The following CPA6 variants were observed in gnomAD, a reference collection of about 807,000 sequenced individuals.
CPA6 encodes carboxypeptidase B.
Under a neutral mutation model 63.3 loss-of-function variants are expected in CPA6, and 58 were observed. The observed-to-expected ratio is 0.92, with a 90% CI of 0.74 to 1.14. The LOEUF (loss-of-function observed/expected upper bound fraction) is 1.14, where lower values mean the gene tolerates loss of function less well. Ranked by LOEUF, CPA6 falls within the 50% of genes most tolerant of loss-of-function variation. The probability of loss-of-function intolerance (pLI) is 0.00; values close to 1 mark genes in which losing one functional copy is unlikely to be tolerated. For missense variants in CPA6, 565 were observed against 526.6 expected, an observed-to-expected ratio of 1.07 and a Z score of -0.71; for synonymous variants, 185 against 179.0, an observed-to-expected ratio of 1.03 and a Z score of -0.27.
intron 8 of CPA6, among the ~76,000 whole-genome samples, chr8:67,458,443 C>T (rs977524987): frequency 2.6e-5 from 4 of 152,182 alleles, no homozygotes; most frequent in Non-Finnish European, 5.9e-5. Context: ...GGTGATCCAC[C>T]GGCCTTGGCC....
intron 2 of CPA6, among the ~76,000 whole-genome samples, chr8:67,530,911 C>T (rs1246187358): frequency 6.6e-6 from 1 of 152,150 alleles, no homozygotes; most frequent in African/African-American, 2.4e-5. Context: ...AGCCAGGGTG[C>T]TCATAGTTCT....
chr8:67,689,920 C>T (rs1298958663), intron 1 of CPA6, among the ~76,000 whole-genome samples: 2 of 152,196 alleles, frequency 1.3e-5, no homozygotes, highest in Admixed American at 1.3e-4. Flanking sequence ...CTTTTCTCTA[C>T]AGCCTTGCCA....
intron 1 of CPA6, among the ~76,000 whole-genome samples, chr8:67,738,992 A>G (rs563398898): frequency 1.3e-5 from 2 of 152,368 alleles, no homozygotes; most frequent in Non-Finnish European, 2.9e-5. Context: ...GAAGTTATAA[A>G]ACATTAACAT....
chr8:67,732,901 A>G (rs1260530921), intron 1 of CPA6, among the ~76,000 whole-genome samples: 1 of 151,978 alleles, frequency 6.6e-6, no homozygotes. Context: ...AGTGGTTCTC[A>G]AAGTTTAGCT....
chr8:67,728,341 A>G lies in CPA6; in HGVS notation c.116+17673T>C, dbSNP rs536968520. On this transcript the variant is annotated intron_variant, in intron 1 of 10. Coordinates refer to ENST00000297770, the MANE Select transcript of CPA6 (RefSeq NM_020361.5). Reference sequence around the variant, plus strand: ...GATTCCCCTGTGTTTATGCACATTAATACACTTGTATACCTTTTTTTTCAG... The same window carrying G: ...GATTCCCCTGTGTTTATGCACATTAGTACACTTGTATACCTTTTTTTTCAG... Among the ~76,000 whole-genome samples the G allele has an allele frequency of 2.4e-3, 360 of 152,238 alleles. 3 individuals are homozygous for G. The highest frequency in any genetic ancestry group is 8.2e-3 in the African/African-American group (342 of 41,538).
chr8:67,485,133 A>G (rs1811449512), intron 6 of CPA6, among the ~76,000 whole-genome samples: 1 of 152,194 alleles, frequency 6.6e-6, no homozygotes. Flanking sequence ...AATTGTGGAC[A>G]AAATAACTGC....
intron 1 of CPA6, among the ~76,000 whole-genome samples, chr8:67,677,233 A>G (rs988775953): frequency 6.6e-5 from 10 of 152,256 alleles, no homozygotes; most frequent in African/African-American, 2.4e-4. Context: ...AGAGATGAAG[A>G]CTTCCATAAA....
At chr8:67,601,133 T>C (rs778620303) in intron 2 of CPA6, among the ~76,000 whole-genome samples, 4 of 152,206 alleles carry the variant, frequency 2.6e-5, no homozygotes, top group Non-Finnish European at 4.4e-5. Flanking sequence ...GATTATGCCT[T>C]TATAAATGCC....
chr8:67,426,737 CAT>C (rs1319041959), intron 10 of CPA6, among the ~76,000 whole-genome samples: 6 of 152,194 alleles, frequency 3.9e-5, no homozygotes, highest in Admixed American at 3.9e-4. Flanking sequence ...TACACATATA[CAT>C]ACAACATGTG....
intron 6 of CPA6, among the ~76,000 whole-genome samples, chr8:67,502,052 AC>A (rs1231413058): frequency 6.6e-6 from 1 of 152,092 alleles, no homozygotes; most frequent in Non-Finnish European, 1.5e-5. Flanking sequence ...TCCCTTATTA[AC>A]CTTTTTTATA....
chr8:67,740,197 G>T (rs1267224985), intron 1 of CPA6, among the ~76,000 whole-genome samples: 1 of 152,222 alleles, frequency 6.6e-6, no homozygotes, highest in Non-Finnish European at 1.5e-5. Context: ...AACTGGGACA[G>T]TCCCTGGCAA....
At chr8:67,650,904 C>T (rs1019185276) in intron 1 of CPA6, among the ~76,000 whole-genome samples, 2 of 152,032 alleles carry the variant, frequency 1.3e-5, no homozygotes, top group Non-Finnish European at 2.9e-5. Context: ...TTGTCAGGCT[C>T]CTACAAGCCA....
chr8:67,462,034 A>C lies in CPA6; in HGVS notation c.838+21734T>G, dbSNP rs1305091027. On this transcript the variant is annotated intron_variant, in intron 8 of 10. Transcript: ENST00000297770. Reference sequence around the variant, plus strand: ...TTTTAAAGAACACTGACTTATTTTTACTGTTTAAAATATTTTTTTGAATGG... The same window carrying C: ...TTTTAAAGAACACTGACTTATTTTTCCTGTTTAAAATATTTTTTTGAATGG... Among the ~76,000 whole-genome samples the C allele has an allele frequency of 4.0e-5, 6 of 151,304 alleles. No individual in the cohort carries two copies. In the East Asian group the frequency reaches 5.8e-4, roughly 15 times the overall value.
rs140148476 is a variant in CPA6, at chr8:67,727,334, G to A, written c.116+18680C>T. ...GGCTCACAGAATACCCCAAAGTATG[G>A]TGCTTTGGCATGTTGAGCACTTTTG... On this transcript the variant is annotated intron_variant, in intron 1 of 10. Coordinates refer to ENST00000297770, the MANE Select transcript of CPA6 (RefSeq NM_020361.5). Among the ~76,000 whole-genome samples, 286 of 152,188 alleles carry A rather than the reference G, an allele frequency of 1.9e-3. 1 individual carries two copies. The highest frequency in any genetic ancestry group is 3.5e-3 in the Non-Finnish European group (236 of 67,994).
chr8:67,609,406 G>A (rs1814745260), intron 2 of CPA6, among the ~76,000 whole-genome samples: 1 of 152,122 alleles, frequency 6.6e-6, no homozygotes, highest in African/African-American at 2.4e-5. Context: ...ACCTGAAACT[G>A]AATTCACTTA....
intron 2 of CPA6, among the ~76,000 whole-genome samples, chr8:67,524,538 C>T (rs1812322862): frequency 6.6e-6 from 1 of 152,098 alleles, no homozygotes; most frequent in South Asian, 2.1e-4. Flanking sequence ...ATGGTCTTCT[C>T]TTCTGTGTCT....
intron 1 of CPA6, among the ~76,000 whole-genome samples, chr8:67,663,641 C>T (rs566189503): frequency 2.2e-4 from 33 of 152,204 alleles, no homozygotes; most frequent in African/African-American, 4.6e-4. Context: ...TCTCTTCCCG[C>T]GTTAGTTGGC....
intron 1 of CPA6, among the ~76,000 whole-genome samples, chr8:67,681,246 A>C (rs1367048301): frequency 7.5e-5 from 8 of 106,680 alleles, no homozygotes; most frequent in African/African-American, 3.0e-4. Context: ...TCTGTCGCCC[A>C]GGCCGGACTG....
At chr8:67,634,991 A>C (rs1452226335) in intron 1 of CPA6, among the ~76,000 whole-genome samples, 2 of 151,392 alleles carry the variant, frequency 1.3e-5, no homozygotes, top group African/African-American at 4.9e-5. Flanking sequence ...AGGCTCAAGC[A>C]TCCTCCTGTC....
Sources: allele counts gnomAD v4.1 joint callset (sites outside exome capture counted in the v4.1 genomes callset), GRCh38; gene constraint gnomAD v4.1.1; transcripts MANE v1.5; gene names NCBI Gene and HGNC (gene_info 2026-07-23, HGNC 2026-07-21).